Variants in SLC43A1 observed in about 807,000 individuals in gnomAD.
SLC43A1 encodes large neutral amino acids transporter small subunit 3.
Under a neutral mutation model 59.5 loss-of-function variants are expected in SLC43A1, and 31 were observed. The ratio of observed to expected loss-of-function variants is 0.52; its 90% confidence interval spans 0.39 to 0.70. The LOEUF is 0.70. SLC43A1 is among the 30% of genes least tolerant of loss of function. The pLI, the probability that SLC43A1 is intolerant of heterozygous loss-of-function variation, is 0.00. For missense variants in SLC43A1, 598 were observed against 717.8 expected (o/e 0.83, Z 1.91); for synonymous variants, 259 against 290.9 (o/e 0.89, Z 1.12).
chr11:57,500,485 T>C (rs1166012562), intron 5 of SLC43A1, among the ~76,000 whole-genome samples: 2 of 152,134 alleles, frequency 1.3e-5, no homozygotes, highest in Non-Finnish European at 2.9e-5. Context: ...ACTCGGTCAG[T>C]CCTGATTGTG....
intron 2 of SLC43A1, among the ~76,000 whole-genome samples, chr11:57,509,413 C>T (rs1368059040): frequency 2.0e-5 from 3 of 151,916 alleles, no homozygotes; most frequent in African/African-American, 7.3e-5. Flanking sequence ...TGTGGTGAAA[C>T]CCCGTCTCTA....
chr11:57,491,397 C>A, intron 10 of SLC43A1, 35 bp from the exon 11 acceptor site: 5 of 1,569,038 alleles, frequency 3.2e-6, no homozygotes, highest in Non-Finnish European at 4.3e-6. Flanking sequence ...GGGTCAGGAA[C>A]TGGCACTCAG....
At chr11:57,494,302 T>G in intron 7 of SLC43A1, 131 bp from the exon 8 acceptor site, 3 of 774,150 alleles carry the variant, frequency 3.9e-6, no homozygotes, top group South Asian at 1.8e-5. Context: ...CACAAGCTCC[T>G]AATGCAGAGC....
chr11:57,492,069 G>A (rs761926447), intron 8 of SLC43A1, among the ~76,000 whole-genome samples: 25 of 152,092 alleles, frequency 1.6e-4, no homozygotes, highest in Middle Eastern at 3.4e-3. Flanking sequence ...CCTATGCTTC[G>A]TGTGGTAAAA....
At chr11:57,499,278 C>G (rs990951684) in intron 5 of SLC43A1, among the ~76,000 whole-genome samples, 2 of 151,486 alleles carry the variant, frequency 1.3e-5, no homozygotes, top group Non-Finnish European at 2.9e-5. Context: ...GAGCCGAGAT[C>G]GCGCCACTGC....
intron 14 of SLC43A1, among the ~76,000 whole-genome samples, chr11:57,485,736 G>T (rs993840970): frequency 6.6e-6 from 1 of 152,210 alleles, no homozygotes; most frequent in Non-Finnish European, 1.5e-5. Context: ...ATCCCACTCT[G>T]CATTACTCAC....
intron 5 of SLC43A1, among the ~76,000 whole-genome samples, chr11:57,498,486 G>T (rs1235868847): frequency 1.3e-5 from 2 of 152,082 alleles, no homozygotes; most frequent in Non-Finnish European, 1.5e-5. Context: ...CAGTGATCTT[G>T]TCCAACCCAT....
At chr11:57,503,543 G>A (rs762492542) in intron 2 of SLC43A1, among the ~76,000 whole-genome samples, 2 of 151,930 alleles carry the variant, frequency 1.3e-5, no homozygotes, top group Non-Finnish European at 2.9e-5. Context: ...GGCTGGTCTC[G>A]AACTCCTGGG....
intron 7 of SLC43A1, among the ~76,000 whole-genome samples, chr11:57,494,701 G>T (rs894164607): frequency 6.6e-6 from 1 of 152,168 alleles, no homozygotes; most frequent in Non-Finnish European, 1.5e-5. Flanking sequence ...GAAAAAGTTG[G>T]CATTCAGGTG....
At chr11:57,503,984 G>A (rs1346335558) in intron 2 of SLC43A1, among the ~76,000 whole-genome samples, 4 of 152,058 alleles carry the variant, frequency 2.6e-5, no homozygotes, top group African/African-American at 7.2e-5. Flanking sequence ...ACAAAGTCAG[G>A]AGATCGAGAC....
In SLC43A1 at chr11:57,514,665, T is replaced by C; in HGVS notation, c.-13-541A>G. ...CGACAGCAAGCCCTCCCCCTTTCCG[T>C]ATCAGGTGACCCACGACCCTACAGT... On this transcript the variant is annotated intron_variant, in intron 1 of 14. Coordinates refer to ENST00000278426, the MANE Select transcript of SLC43A1 (RefSeq NM_003627.6). This position sits in a 1 kb window ranked among gnomAD's most constrained non-coding sequence, Gnocchi z 5.5. 4.4e-6 allele frequency: 1 copy of C among 228,884 alleles called. No homozygotes were observed. Among genetic ancestry groups the C allele is most frequent in the Non-Finnish European group, 7.3e-6 (1 of 136,686 alleles). 14.2% of individuals were successfully genotyped at this position (228,884 alleles called of 1,614,324 possible).
At chr11:57,500,756 C>T in intron 5 of SLC43A1, 23 bp downstream of exon 5, 1 of 1,612,348 alleles carries the variant, frequency 6.2e-7, no homozygotes, top group Non-Finnish European at 8.5e-7. Flanking sequence ...ACTCTGCTGC[C>T]AGGCCAGGCC....
At chr11:57,508,899 T>C (rs568167863) in intron 2 of SLC43A1, among the ~76,000 whole-genome samples, 5 of 151,580 alleles carry the variant, frequency 3.3e-5, no homozygotes, top group Non-Finnish European at 5.9e-5. Context: ...GATGGATCAC[T>C]TGAGGCCGGG....
Position 57,491,355 on chromosome 11 carries a change from G to T in SLC43A1, c.1062C>A (p.Phe354Leu), listed in dbSNP as rs759621517. The T allele has an allele frequency of 2.5e-6, 4 of 1,594,766 alleles. No homozygotes were observed. Among genetic ancestry groups the T allele is most frequent in the Non-Finnish European group, 3.4e-6 (4 of 1,169,824 alleles). ...GCATGGCCCCGAAGACGGAGGAGTA[G>T]AACCCAACTGGGCAGGATGGGAAGG... ...QQQKVAETVG[F>L]YSSVFGAMQL... Residue 354 changes from phenylalanine to leucine, a missense_variant, in exon 11 of 15, where the codon TTC becomes TTA. Phe to Leu is a conservative substitution (Grantham distance 22, BLOSUM62 0). Transcript: ENST00000278426.
At chr11:57,501,393 A>G in intron 2 of SLC43A1, 64 bp from the exon 3 acceptor site, 2 of 1,561,090 alleles carry the variant, frequency 1.3e-6, no homozygotes, top group Non-Finnish European at 1.7e-6. Context: ...AGGAGACAGC[A>G]GCCCACAGTC....
intron 2 of SLC43A1, among the ~76,000 whole-genome samples, chr11:57,510,758 C>T (rs935625692): frequency 2.0e-5 from 3 of 151,982 alleles, no homozygotes; most frequent in East Asian, 1.9e-4. Context: ...TTTGGGAGGC[C>T]GAGGGGGGTG....
chr11:57,495,264 G>A (rs537547343), intron 7 of SLC43A1, among the ~76,000 whole-genome samples: 6 of 152,060 alleles, frequency 3.9e-5, no homozygotes, highest in Admixed American at 3.9e-4. Flanking sequence ...TGAGCCAGGC[G>A]GATCACTTGA....
rs1590772502 is a variant in SLC43A1 at position 57,504,063 on chromosome 11, G to A, written c.155-2734C>T. 3.9e-5 allele frequency among the ~76,000 whole-genome samples: 6 copies of A among 152,234 alleles called. No individual in the cohort carries two copies. In the East Asian group the frequency reaches 1.2e-3, roughly 29 times the overall value. ...AAAAAAAAAATTAGCCGGGCGTGGT[G>A]GTGGGCGCCCGTAGTCCCAGCTACT... On this transcript the variant is annotated intron_variant, in intron 2 of 14. Transcript: ENST00000278426.
At chr11:57,506,094 C>T (rs1324972323) in intron 2 of SLC43A1, among the ~76,000 whole-genome samples, 1 of 152,164 alleles carries the variant, frequency 6.6e-6, no homozygotes, top group African/African-American at 2.4e-5. Context: ...GCCTGTAATC[C>T]CGGCACTTTG....
Sources: allele counts gnomAD v4.1 joint callset (sites outside exome capture counted in the v4.1 genomes callset), GRCh38; gene constraint gnomAD v4.1.1; non-coding constraint Gnocchi (gnomAD v3.1); transcripts MANE v1.5; gene names NCBI Gene and HGNC (gene_info 2026-07-23, HGNC 2026-07-21).